CEP131: variants seen among roughly 807,000 people sequenced by gnomAD.
CEP131 encodes the protein centrosomal protein of 131 kDa.
A neutral mutation model predicts 136.8 loss-of-function variants in CEP131; 99 were observed. The ratio of observed to expected loss-of-function variants is 0.72; its 90% CI spans 0.62 to 0.86. The LOEUF is 0.86. Among genes scored for constraint, CEP131 ranks in the 40% least tolerant of loss-of-function variants. The pLI, the probability that CEP131 is intolerant of heterozygous loss-of-function variation, is 0.00. For missense variants in CEP131, 1,459 were observed against 1,463.0 expected (o/e 1.00, Z 0.04); for synonymous variants, 646 against 612.7 (o/e 1.05, Z -0.80).
At position 81,199,506 on chromosome 17, in the gene CEP131, G is replaced by A; in HGVS notation, c.1067C>T (p.Thr356Ile). 1 of 1,608,844 alleles carries A rather than the reference G, an allele frequency of 6.2e-7. No individual in the cohort carries two copies. The change falls in exon 10 of 26, where the codon ACT becomes ATT. Residue 356 changes from threonine (T) to isoleucine (I), a missense_variant. By Grantham distance (89) the Thr-to-Ile change is moderately conservative (BLOSUM62 -1). This residue lies in a region of CEP131 where 246 missense variants were observed against 318.9 expected (regional missense o/e 0.77). Transcript: ENST00000450824. ...KRALRAQKAS[T>I]AERGPPENPR... ...ATTCTCAGGTGGCCCACGCTCGGCA[G>A]TGCTCGCCTTCTGGGCTCTCAGGGC... is the stretch of plus-strand genomic sequence containing the variant.
intron 24 of CEP131, among the ~76,000 whole-genome samples, chr17:81,190,434 C>G (rs1420579824): frequency 6.6e-6 from 1 of 152,202 alleles, no homozygotes; most frequent in Non-Finnish European, 1.5e-5. Context: ...ATGGCCGACA[C>G]CCTAGACTAA....
intron 15 of CEP131, among the ~76,000 whole-genome samples, 196 bp from the exon 16 acceptor site, chr17:81,196,147 C>T (rs553367954): frequency 5.1e-4 from 77 of 152,306 alleles, no homozygotes; most frequent in Middle Eastern, 3.4e-3. Flanking sequence ...CTGCATCCGC[C>T]GTCCTGTCCT....
Position 81,189,957 on chromosome 17 carries a change from C to T in CEP131, c.3126G>A (p.Ala1042=), listed in dbSNP as rs765146753. 27 of 1,610,606 alleles carry T rather than the reference C, an allele frequency of 1.7e-5. No homozygotes were observed. Among genetic ancestry groups the T allele is most frequent in the African/African-American group, 1.3e-4 (10 of 74,906 alleles). The change falls in exon 25 of 26, where the codon GCG becomes GCA. Residue 1042 remains alanine (A), a synonymous_variant. Transcript: ENST00000450824. ...GGCTGCTCACGGCCTCCTCCTTCCTCGCGAGGGCTGTCTTCACCCTGTGGG... is the reference window on the plus strand; with the variant it reads ...GGCTGCTCACGGCCTCCTCCTTCCTTGCGAGGGCTGTCTTCACCCTGTGGG... ...EVHRRVKTAL[A]RKEEAVSSLR...
intron 1 of CEP131, among the ~76,000 whole-genome samples, chr17:81,221,143 A>C (rs2062380070): frequency 6.6e-6 from 1 of 151,388 alleles, no homozygotes; most frequent in Non-Finnish European, 1.5e-5. Flanking sequence ...AAAAAAAAAA[A>C]AAACGCGGGA....
rs748764947 is a variant in CEP131 at position 81,192,457 on chromosome 17, CA to C, written c.2547+18del. ...TGCAGCCCCCTGGCCAGGCCCAGCA[CA>C]GCCCTCCGGTGGTAGACCTGGTGCC... is the stretch of plus-strand genomic sequence containing the variant. On this transcript the variant is annotated intron_variant, in intron 20 of 25. Coordinates refer to ENST00000450824, the MANE Select transcript of CEP131 (RefSeq NM_014984.4). 1 of 1,611,878 alleles carries C rather than the reference CA, an allele frequency of 6.2e-7. No homozygotes were observed. Among genetic ancestry groups the C allele is most frequent in the Non-Finnish European group, 8.5e-7 (1 of 1,179,826 alleles).
chr17:81,220,604 C>T (rs1057175069), intron 1 of CEP131, among the ~76,000 whole-genome samples: 3 of 152,178 alleles, frequency 2.0e-5, no homozygotes, highest in African/African-American at 2.4e-5. Context: ...AAGCGATTCT[C>T]CTGCCTCAGC....
rs1189610973 is a variant in CEP131, at chr17:81,219,732, A to G, written c.177+148T>C. On this transcript the variant is annotated intron_variant, in intron 2 of 25. Transcript: ENST00000450824. This position sits in a 1 kb window ranked among gnomAD's most constrained non-coding sequence, Gnocchi z 4.0. The stretch of plus-strand genomic sequence containing the variant: ...CCCACGCCTGTAAGACTCAAGTCCT[A>G]CCTGCCTCCTGGAACAGCCACGAGG... 1 of 817,806 alleles carries G rather than the reference A, an allele frequency of 1.2e-6. No individual in the cohort carries two copies. Among genetic ancestry groups the G allele is most frequent in the Non-Finnish European group, 1.8e-6 (1 of 559,146 alleles). 50.7% of individuals were successfully genotyped at this position (817,806 alleles called of 1,614,324 possible).
At chr17:81,190,590 G>C (rs112626893) in intron 24 of CEP131, 49 bp downstream of exon 24, 1 of 1,482,672 alleles carries the variant, frequency 6.7e-7, no homozygotes, top group Non-Finnish European at 8.9e-7. Context: ...GGTCCTGCCC[G>C]CTCCCCTGCC....
At chr17:81,192,685 G>GGGGGGGGGGGGGGGGGGGGGC in intron 19 of CEP131, 51 bp downstream of exon 19, 1 of 478,430 alleles carries the variant, frequency 2.1e-6, no homozygotes, top group South Asian at 1.6e-5. Flanking sequence ...GGGGGGAGGG[G>GGGGGGGGGGGGGGGGGGGGGC]TCAGCCAGCG....
At chr17:81,221,692 G>A (rs2062391998) in intron 1 of CEP131, among the ~76,000 whole-genome samples, 1 of 152,162 alleles carries the variant, frequency 6.6e-6, no homozygotes, top group African/African-American at 2.4e-5. Flanking sequence ...ATCCGGCTCG[G>A]ACTCCCTTCC....
At position 81,190,513 on chromosome 17, in the gene CEP131, A is replaced by G; in HGVS notation, c.3107+126T>C. 5 of 1,237,370 alleles carry G rather than the reference A, an allele frequency of 4.0e-6. No homozygotes were observed. In the South Asian group the frequency reaches 8.1e-5, roughly 20 times the overall value. 76.6% of individuals were successfully genotyped at this position (1,237,370 alleles called of 1,614,324 possible). A position where few individuals can be genotyped will look rare whatever the true frequency, so the allele number is the denominator to read the frequency against. ...ATGGAACCCACACCAGCCTCTGTCT[A>G]CAGGGCCCTGTCTCTGCATCTCCTG... On this transcript the variant is annotated intron_variant, in intron 24 of 25. Transcript: ENST00000450824.
chr17:81,194,021 C>A lies in CEP131; in HGVS notation c.2226G>T (p.Ser742=). Residue 742 remains serine, a synonymous_variant, in exon 18 of 26, where the codon TCG becomes TCT. Coordinates refer to ENST00000450824, the MANE Select transcript of CEP131 (RefSeq NM_014984.4). ...CCTCGGCCTGGCGCAGGCAGCGCTG[C>A]GAGGCCCGCTCATCCGACTGCAGCA... ...AELLQSDERA[S]QRCLRQAEEL... 1 of 1,571,016 alleles carries A rather than the reference C, an allele frequency of 6.4e-7. No individual in the cohort carries two copies. Among genetic ancestry groups the A allele is most frequent in the South Asian group, 1.2e-5 (1 of 85,340 alleles).
intron 1 of CEP131, among the ~76,000 whole-genome samples, chr17:81,222,558 A>ACC (rs2062411618): frequency 6.7e-6 from 1 of 149,472 alleles, no homozygotes; most frequent in African/African-American, 2.5e-5. Context: ...CGGGCCCCGG[A>ACC]CCTCCCTCAC....
intron 5 of CEP131, among the ~76,000 whole-genome samples, chr17:81,206,204 C>T (rs1355181085): frequency 6.6e-6 from 1 of 151,896 alleles, no homozygotes; most frequent in East Asian, 1.9e-4. Flanking sequence ...CAGAGCAAGA[C>T]TCCATCTCAA....
At chr17:81,207,546 G>A (rs529061741) in intron 3 of CEP131, among the ~76,000 whole-genome samples, 1 of 150,912 alleles carries the variant, frequency 6.6e-6, no homozygotes, top group Non-Finnish European at 1.5e-5. Context: ...ATAGGGTTTC[G>A]GCTATGTTGC....
intron 5 of CEP131, chr17:81,204,006 G>T: frequency 5.3e-6 from 1 of 190,014 alleles, no homozygotes; most frequent in East Asian, 1.5e-4. Flanking sequence ...GCAGGAAGGC[G>T]GGAGGACAGG....
chr17:81,194,164 AG>A, intron 17 of CEP131, 37 bp from the exon 18 acceptor site: 5 of 1,466,420 alleles, frequency 3.4e-6, no homozygotes, highest in Non-Finnish European at 4.5e-6. Flanking sequence ...ACGTCCAGCT[AG>A]GGTGGGCCCG....
At chr17:81,210,340 G>T (rs537317169) in intron 2 of CEP131, among the ~76,000 whole-genome samples, 2 of 152,298 alleles carry the variant, frequency 1.3e-5, no homozygotes, top group South Asian at 2.1e-4. Context: ...GGGAGGCCGA[G>T]GCGGGTGGAT....
chr17:81,218,056 T>C (rs1033561137), intron 2 of CEP131, among the ~76,000 whole-genome samples: 1 of 151,696 alleles, frequency 6.6e-6, no homozygotes, highest in Non-Finnish European at 1.5e-5. Flanking sequence ...TTTCTTTCTT[T>C]TTTTGAGACA....
Sources: allele counts gnomAD v4.1 joint callset (sites outside exome capture counted in the v4.1 genomes callset), GRCh38; gene constraint gnomAD v4.1.1; regional missense constraint gnomAD v4.1.1; non-coding constraint Gnocchi (gnomAD v3.1); transcripts MANE v1.5; gene names NCBI Gene and HGNC (gene_info 2026-07-23, HGNC 2026-07-21).